The following DDC variants were observed in gnomAD, a reference collection of about 807,000 sequenced individuals.
The protein encoded by DDC is aromatic-L-amino-acid decarboxylase.
In DDC, 43 loss-of-function variants were observed where a neutral mutation model predicts 60.0. The ratio of observed to expected loss-of-function variants is 0.72; its 90% CI spans 0.56 to 0.92. DDC has a LOEUF of 0.92. Among genes scored for constraint, DDC ranks in the 40% least tolerant of loss-of-function variants. The pLI, the probability that DDC is intolerant of heterozygous loss-of-function variation, is 0.00. For missense variants in DDC, 573 were observed against 620.2 expected (o/e 0.92, Z 0.81); for synonymous variants, 232 against 234.6 (o/e 0.99, Z 0.10).
At chr7:50,473,648 A>G (rs971166668) in intron 11 of DDC, among the ~76,000 whole-genome samples, 3 of 152,024 alleles carry the variant, frequency 2.0e-5, no homozygotes, top group Non-Finnish European at 4.4e-5. Context: ...GGTGCTTCCC[A>G]TCTGCCTGGG....
chr7:50,552,354 G>A (rs1319808819), intron 1 of DDC, among the ~76,000 whole-genome samples: 1 of 152,194 alleles, frequency 6.6e-6, no homozygotes, highest in South Asian at 2.1e-4. Flanking sequence ...TCCAGCAGCT[G>A]CACACGACAC....
rs11575541 is a variant in DDC, at chr7:50,463,569, G to A, written c.1243-138C>T. On this transcript the variant is annotated intron_variant, in intron 13 of 14. Coordinates refer to ENST00000444124, the MANE Select transcript of DDC (RefSeq NM_001082971.2). ...GACTAACCATCCCCCTTGCGTTTACGATGTTACAAAATTCAACAAAATAAT... is the reference window on the plus strand; with the variant it reads ...GACTAACCATCCCCCTTGCGTTTACAATGTTACAAAATTCAACAAAATAAT... The A allele has an allele frequency of 0.011, 8,431 of 761,990 alleles. 71 individuals carry two copies. The highest frequency in any genetic ancestry group is 0.017 in the Admixed American group (858 of 49,762). The allele number at this position is 761,990 out of a possible 1,614,324, so 47.2% of individuals were successfully genotyped here.
intron 6 of DDC, among the ~76,000 whole-genome samples, chr7:50,512,286 T>C: frequency 6.6e-6 from 1 of 151,854 alleles, no homozygotes; most frequent in Admixed American, 6.6e-5. Flanking sequence ...TTAAAGAAAA[T>C]TGTCAGGGAT....
chr7:50,517,825 T>TAAAAAAAAAAA (rs59421951), intron 6 of DDC, among the ~76,000 whole-genome samples: 1 of 76,192 alleles, frequency 1.3e-5, no homozygotes, highest in Admixed American at 1.4e-4. Context: ...TTATAATAGC[T>TAAAAAAAAAAA]AAAAAAAAAA....
At chr7:50,555,263 A>G (rs555674076) in intron 1 of DDC, among the ~76,000 whole-genome samples, 3 of 152,280 alleles carry the variant, frequency 2.0e-5, no homozygotes, top group South Asian at 2.1e-4. Flanking sequence ...CCTGAGAAGC[A>G]TGGCTTGTGT....
chr7:50,502,427 C>A (rs796696326), intron 7 of DDC, among the ~76,000 whole-genome samples: 3 of 152,166 alleles, frequency 2.0e-5, no homozygotes, highest in Admixed American at 2.0e-4. Context: ...CCCTTTAAAT[C>A]CGATAGCCCT....
At position 50,498,973 on chromosome 7, in the gene DDC, G is replaced by A. The variant is rs3807562; in HGVS notation, c.876+175C>T. ...CAGGAGTATTTCAGGAGGACAGGCT[G>A]TATGGCTGGGGAAGGCTCTCAGCCC... On this transcript the variant is annotated intron_variant, in intron 8 of 14. Transcript: ENST00000444124. 0.47 allele frequency among the ~76,000 whole-genome samples: 72,085 copies of A among 152,082 alleles called. 17,175 individuals are homozygous for A. The highest frequency in any genetic ancestry group is 0.54 in the Admixed American group (8,258 of 15,280).
chr7:50,538,050 G>C, intron 3 of DDC, 71 bp from the exon 4 acceptor site: 1 of 1,590,310 alleles, frequency 6.3e-7, no homozygotes, highest in Non-Finnish European at 8.6e-7. Flanking sequence ...GCAGTAACAA[G>C]GGGATTTAAC....
intron 1 of DDC, among the ~76,000 whole-genome samples, chr7:50,561,897 A>T (rs1206350853): frequency 2.6e-5 from 4 of 151,772 alleles, no homozygotes; most frequent in Non-Finnish European, 5.9e-5. Flanking sequence ...GCACACACAT[A>T]CACAAGCATA....
intron 4 of DDC, among the ~76,000 whole-genome samples, chr7:50,532,571 T>A (rs2153546892): frequency 6.6e-6 from 1 of 152,286 alleles, no homozygotes; most frequent in African/African-American, 2.4e-5. Flanking sequence ...CTCAATATCC[T>A]CATCCATGAA....
At chr7:50,552,050 A>G (rs2045014350) in intron 1 of DDC, among the ~76,000 whole-genome samples, 1 of 152,206 alleles carries the variant, frequency 6.6e-6, no homozygotes, top group South Asian at 2.1e-4. Context: ...ACAAGCAGAC[A>G]CATACCACAT....
At chr7:50,474,220 A>G (rs1351582682) in intron 11 of DDC, among the ~76,000 whole-genome samples, 4 of 152,266 alleles carry the variant, frequency 2.6e-5, no homozygotes, top group African/African-American at 9.6e-5. Context: ...TTGAAGTAAC[A>G]GAAGGACAAA....
At chr7:50,523,541 T>C (rs1471147278) in intron 6 of DDC, among the ~76,000 whole-genome samples, 1 of 152,162 alleles carries the variant, frequency 6.6e-6, no homozygotes, top group Admixed American at 6.5e-5. Flanking sequence ...AAGAAGATGT[T>C]CATGTAGCAA....
intron 6 of DDC, among the ~76,000 whole-genome samples, chr7:50,512,764 G>A (rs75864259): frequency 0.013 from 1,921 of 152,174 alleles, 50 homozygotes; most frequent in African/African-American, 0.044. Flanking sequence ...GTGACTTCTG[G>A]GGGATAAAAA....
At chr7:50,561,331 G>C (rs1302812806) in intron 1 of DDC, among the ~76,000 whole-genome samples, 1 of 152,096 alleles carries the variant, frequency 6.6e-6, no homozygotes, top group Non-Finnish European at 1.5e-5. Flanking sequence ...TGCAGATTTG[G>C]GGCCAGGGCT....
rs762954873 is a variant in DDC, at chr7:50,463,254, C to T, written c.1420G>A (p.Val474Met). 6.8e-6 allele frequency: 11 copies of T among 1,613,592 alleles called. No individual in the cohort carries two copies. Among genetic ancestry groups the T allele is most frequent in the East Asian group, 4.5e-5 (2 of 44,900 alleles). Residue 474 changes from valine to methionine, a missense_variant, in exon 14 of 15, where the codon GTG (valine) becomes ATG (methionine). Val to Met is a conservative substitution (Grantham distance 21, BLOSUM62 1). Coordinates refer to ENST00000444124, the MANE Select transcript of DDC (RefSeq NM_001082971.2). ...TCCTACTCCCTCTCTGCTCGCAGCACGTCGGCCGCCAGCTCTTTGATGTGT... is the reference window on the plus strand; with the variant it reads ...TCCTACTCCCTCTCTGCTCGCAGCATGTCGGCCGCCAGCTCTTTGATGTGT... ...WEHIKELAAD[V>M]LRAERE is the part of the protein sequence containing the mutation.
chr7:50,483,456 T>C (rs1337585580), intron 9 of DDC, among the ~76,000 whole-genome samples: 5 of 152,240 alleles, frequency 3.3e-5, no homozygotes, highest in Non-Finnish European at 5.9e-5. Flanking sequence ...TTATAGCTTT[T>C]CTGTCTCAGC....
chr7:50,461,384 G>A (rs1176169770), intron 14 of DDC, among the ~76,000 whole-genome samples: 1 of 151,914 alleles, frequency 6.6e-6, no homozygotes, highest in Non-Finnish European at 1.5e-5. Flanking sequence ...GATTTTTATT[G>A]TTCTAATCTG....
chr7:50,529,401 C>A, intron 4 of DDC, 59 bp from the exon 5 acceptor site: 12 of 1,588,530 alleles, frequency 7.6e-6, no homozygotes, highest in Non-Finnish European at 1.0e-5. Flanking sequence ...TTGGTACCTA[C>A]ACTATTGGAA....
Sources: allele counts gnomAD v4.1 joint callset (sites outside exome capture counted in the v4.1 genomes callset), GRCh38; gene constraint gnomAD v4.1.1; transcripts MANE v1.5; gene names NCBI Gene and HGNC (gene_info 2026-07-23, HGNC 2026-07-21).